Variants in MGAT4C observed in about 807,000 individuals in gnomAD.
MGAT4C encodes MGAT4 family member C.
In MGAT4C, 19 loss-of-function variants were observed where a neutral mutation model predicts 40.1. The observed-to-expected ratio is 0.47, with a 90% CI of 0.33 to 0.70. The LOEUF (loss-of-function observed/expected upper bound fraction) is 0.70. Ranked by LOEUF, MGAT4C falls within the 30% of genes least tolerant of loss-of-function variation. The pLI, the probability that MGAT4C is intolerant of heterozygous loss-of-function variation, is 0.02. For synonymous variants in MGAT4C, 181 were observed against 187.1 expected (o/e 0.97, Z 0.27); for missense variants, 491 against 563.2 (o/e 0.87, Z 1.30).
chr12:86,539,865 GTTGT>G lies in MGAT4C; in HGVS notation c.-228-104604_-228-104601del, dbSNP rs930116254. Among the ~76,000 whole-genome samples the G allele has an allele frequency of 8.8e-4, 134 of 152,250 alleles. 1 individual carries two copies. The highest frequency in any genetic ancestry group is 3.2e-3 in the African/African-American group (131 of 41,548). On this transcript the variant is annotated intron_variant, in intron 2 of 7. Transcript: ENST00000548651. ...TATCCTTTGCCCACTTTTTGATGAG[GTTGT>G]TTGATTTTTTTTCTTGTAAATTTGT... is the stretch of plus-strand genomic sequence containing the variant.
chr12:86,368,616 A>T (rs1955654808), intron 3 of MGAT4C, among the ~76,000 whole-genome samples: 1 of 150,916 alleles, frequency 6.6e-6, no homozygotes, highest in South Asian at 2.1e-4. Flanking sequence ...GACATTTTCC[A>T]GTTTCCATTA....
chr12:86,298,559 A>G (rs991910534), intron 4 of MGAT4C, among the ~76,000 whole-genome samples: 25 of 152,186 alleles, frequency 1.6e-4, no homozygotes, highest in African/African-American at 5.3e-4. Context: ...CATTTATTAT[A>G]ATAAACACTG....
chr12:86,787,463 T>A (rs949334949), intron 1 of MGAT4C, among the ~76,000 whole-genome samples: 2 of 152,092 alleles, frequency 1.3e-5, no homozygotes, highest in African/African-American at 4.8e-5. Context: ...ATATGATAAT[T>A]CATTTTCCTT....
chr12:86,439,696 T>G (rs1381602619), intron 2 of MGAT4C, among the ~76,000 whole-genome samples: 1 of 152,098 alleles, frequency 6.6e-6, no homozygotes, highest in African/African-American at 2.4e-5. Context: ...AAAAAGTTTT[T>G]TCTTTGAAAA....
chr12:85,996,987 T>C (rs1886700113), intron 2 of MGAT4C, among the ~76,000 whole-genome samples: 1 of 152,150 alleles, frequency 6.6e-6, no homozygotes, highest in Non-Finnish European at 1.5e-5. Context: ...CACCCAACAA[T>C]AGCAGTGTAT....
Position 86,475,802 on chromosome 12 carries a change from C to A in MGAT4C, c.-228-40537G>T, listed in dbSNP as rs191332677. Among the ~76,000 whole-genome samples, 65 of 151,896 alleles carry A rather than the reference C, an allele frequency of 4.3e-4. No individual in the cohort carries two copies. In the East Asian group the frequency reaches 0.012, roughly 27 times the overall value. ...TATCTGCTATAAATACAAATTGATA[C>A]AAAGTAAGCATGATAAACTGTCATG... is the stretch of plus-strand genomic sequence containing the variant. On this transcript the variant is annotated intron_variant, in intron 2 of 7. Transcript: ENST00000548651.
chr12:86,141,895 A>C (rs1882888584), intron 1 of MGAT4C, among the ~76,000 whole-genome samples: 1 of 152,144 alleles, frequency 6.6e-6, no homozygotes, highest in Non-Finnish European at 1.5e-5. Flanking sequence ...AAGAGACCCG[A>C]CAAAAGGAAG....
Position 86,106,494 on chromosome 12 carries a change from A to G in MGAT4C, c.-56-56771T>C, listed in dbSNP as rs76321367. ...TTTTTTACATTTATTTGGTAAAGAC[A>G]GGGTTTCCCCATCTTATCCAGGCTG... On this transcript the variant is annotated intron_variant, in intron 1 of 4. Transcript: ENST00000611864. Among the ~76,000 whole-genome samples the G allele has an allele frequency of 0.022, 3,361 of 152,194 alleles. 262 individuals are homozygous for G. In the East Asian group the frequency reaches 0.28, roughly 13 times the overall value.
intron 1 of MGAT4C, among the ~76,000 whole-genome samples, chr12:86,233,811 T>C (rs1024653311): frequency 1.3e-5 from 2 of 152,166 alleles, no homozygotes; most frequent in African/African-American, 4.8e-5. Flanking sequence ...GCAGTAAGTA[T>C]ATGTATACAT....
intron 1 of MGAT4C, among the ~76,000 whole-genome samples, chr12:86,252,635 T>C (rs1952347527): frequency 6.6e-6 from 1 of 151,940 alleles, no homozygotes; most frequent in Non-Finnish European, 1.5e-5. Context: ...CCTTAAAAAG[T>C]AAATTGTCTC....
intron 4 of MGAT4C, among the ~76,000 whole-genome samples, chr12:86,321,427 C>T (rs961347141): frequency 6.6e-6 from 1 of 151,952 alleles, no homozygotes; most frequent in Non-Finnish European, 1.5e-5. Context: ...TTTTCCAGAC[C>T]AAATGAAACT....
At chr12:86,065,696 G>A (rs1476869931) in intron 1 of MGAT4C, among the ~76,000 whole-genome samples, 5 of 152,122 alleles carry the variant, frequency 3.3e-5, no homozygotes, top group Admixed American at 6.6e-5. Context: ...CATAGTATTG[G>A]AAGTTCTTGT....
intron 1 of MGAT4C, among the ~76,000 whole-genome samples, chr12:86,088,801 C>A (rs1185606369): frequency 2.6e-5 from 4 of 151,972 alleles, no homozygotes; most frequent in Admixed American, 2.0e-4. Flanking sequence ...GGTGGGAGTG[C>A]AAATGAATTC....
intron 2 of MGAT4C, among the ~76,000 whole-genome samples, chr12:86,467,284 T>C (rs1420196724): frequency 6.6e-6 from 1 of 152,114 alleles, no homozygotes; most frequent in Admixed American, 6.5e-5. Flanking sequence ...AAAAGCATTC[T>C]GGACCCAGAG....
chr12:86,014,534 G>T (rs1888862267), intron 2 of MGAT4C, among the ~76,000 whole-genome samples: 2 of 152,124 alleles, frequency 1.3e-5, no homozygotes, highest in South Asian at 4.1e-4. Flanking sequence ...GCAACATCGC[G>T]TGTTAGTGTG....
intron 2 of MGAT4C, among the ~76,000 whole-genome samples, chr12:86,438,854 G>T (rs1369432510): frequency 1.3e-5 from 2 of 151,352 alleles, no homozygotes; most frequent in Non-Finnish European, 3.0e-5. Context: ...AGAACTTAAA[G>T]CAACAAAAGT....
intron 2 of MGAT4C, among the ~76,000 whole-genome samples, chr12:86,476,410 T>C (rs546896933): frequency 2.0e-5 from 3 of 152,020 alleles, no homozygotes; most frequent in South Asian, 4.1e-4. Flanking sequence ...TCTGTTACTA[T>C]TAGAAAATAA....
intron 1 of MGAT4C, among the ~76,000 whole-genome samples, chr12:86,057,509 G>T (rs1454342953): frequency 6.6e-6 from 1 of 152,076 alleles, no homozygotes; most frequent in African/African-American, 2.4e-5. Flanking sequence ...CATTTCATGT[G>T]AGCTTTCATG....
intron 1 of MGAT4C, among the ~76,000 whole-genome samples, chr12:86,767,207 C>T (rs1340669799): frequency 1.3e-5 from 2 of 152,126 alleles, no homozygotes; most frequent in African/African-American, 2.4e-5. Context: ...CACAGAAATA[C>T]AAACTACCAT....
Sources: allele counts gnomAD v4.1 joint callset (sites outside exome capture counted in the v4.1 genomes callset), GRCh38; gene constraint gnomAD v4.1.1; transcripts MANE v1.5; gene names NCBI Gene and HGNC (gene_info 2026-07-23, HGNC 2026-07-21).